Variants in GRIA3 observed in about 807,000 individuals in gnomAD.
GRIA3 encodes glutamate ionotropic receptor AMPA type subunit 3.
Under a neutral mutation model 63.0 loss-of-function variants are expected in GRIA3, and 3 were observed. That is an observed-to-expected ratio of 0.05 (90% CI 0.02 to 0.12). The LOEUF is 0.12. GRIA3 is among the 10% of genes least tolerant of loss of function. GRIA3 has a pLI of 1.00. For missense variants in GRIA3, 347 were observed against 700.9 expected, an observed-to-expected ratio of 0.50 and a Z score of 5.70; for synonymous variants, 274 against 257.9, an observed-to-expected ratio of 1.06 and a Z score of -0.60.
chrX:123,266,018 T>C (rs893405716), intron 3 of GRIA3, among the ~76,000 whole-genome samples: 2 of 112,085 alleles, frequency 1.8e-5, no homozygotes, highest in Non-Finnish European at 3.8e-5. Flanking sequence ...CTCCTCCACT[T>C]AAGGCCTTTA....
At chrX:123,427,009 T>C (rs1251860809) in intron 11 of GRIA3, among the ~76,000 whole-genome samples, 1 of 111,741 alleles carries the variant, frequency 8.9e-6, no homozygotes, top group African/African-American at 3.3e-5. Flanking sequence ...CCTACTTCAC[T>C]TGGAGTCTGC....
At chrX:123,469,116 T>G (rs1393899920) in intron 13 of GRIA3, among the ~76,000 whole-genome samples, 2 of 112,614 alleles carry the variant, frequency 1.8e-5, no homozygotes, top group Non-Finnish European at 3.8e-5. Flanking sequence ...CTGACATTTA[T>G]AAGTGCTTTT....
intron 2 of GRIA3, among the ~76,000 whole-genome samples, chrX:123,215,196 A>C (rs771204488): frequency 1.8e-5 from 2 of 111,996 alleles, no homozygotes; most frequent in South Asian, 7.5e-4. Flanking sequence ...GTCCCACTAA[A>C]TTGTCCAGCA....
chrX:123,445,165 A>G (rs957100704), intron 12 of GRIA3, among the ~76,000 whole-genome samples: 1 of 112,026 alleles, frequency 8.9e-6, no homozygotes, highest in Non-Finnish European at 1.9e-5. Flanking sequence ...TATTTCCACC[A>G]CAAATTATTT....
chrX:123,353,699 C>A (rs890073573), intron 4 of GRIA3, among the ~76,000 whole-genome samples: 1 of 111,284 alleles, frequency 9.0e-6, no homozygotes, highest in Non-Finnish European at 1.9e-5. Context: ...GGCCTTGTTC[C>A]AAATTATGAC....
At chrX:123,415,076 A>G (rs985030658) in intron 10 of GRIA3, among the ~76,000 whole-genome samples, 11 of 112,106 alleles carry the variant, frequency 9.8e-5, no homozygotes, top group African/African-American at 3.6e-4. Flanking sequence ...CATCCTCTCC[A>G]GCATCTGTTG....
chrX:123,315,483 A>G (rs987759269), intron 3 of GRIA3, among the ~76,000 whole-genome samples: 1 of 112,234 alleles, frequency 8.9e-6, no homozygotes, highest in African/African-American at 3.2e-5. Context: ...CAAACAACAA[A>G]ACAACAAAAT....
chrX:123,241,405 A>G (rs887323777), intron 2 of GRIA3, among the ~76,000 whole-genome samples: 4 of 111,590 alleles, frequency 3.6e-5, no homozygotes, highest in Admixed American at 1.9e-4. Context: ...TAATTTCAAG[A>G]CCACAAAGTA....
In GRIA3 at chrX:123,220,173, T is replaced by C. The variant is rs1928257119; in HGVS notation, c.269-33130T>C. Among the ~76,000 whole-genome samples, 3 of 112,169 alleles carry C rather than the reference T, an allele frequency of 2.7e-5. No individual in the cohort carries two copies. The South Asian group carries it at 1.1e-3, about 42-fold the overall frequency. ...CCTGAGTGCCCTGGGAGTGGGTCTG[T>C]ATTCTTAGCCTCATGCTTCCAGTGC... On this transcript the variant is annotated intron_variant, in intron 2 of 15. Coordinates refer to ENST00000620443, the MANE Select transcript of GRIA3 (RefSeq NM_007325.5).
At chrX:123,293,986 C>T (rs1402903616) in intron 3 of GRIA3, among the ~76,000 whole-genome samples, 1 of 109,203 alleles carries the variant, frequency 9.2e-6, no homozygotes, top group African/African-American at 3.3e-5. Context: ...TCAATTAAGC[C>T]AATAATGTCT....
At chrX:123,278,026 A>C (rs1015666606) in intron 3 of GRIA3, among the ~76,000 whole-genome samples, 1 of 112,092 alleles carries the variant, frequency 8.9e-6, no homozygotes, top group African/African-American at 3.2e-5. Context: ...ATTTTGAACA[A>C]AATAGTTACC....
Position 123,333,439 on chromosome X carries a change from A to C in GRIA3, c.696+7226A>C, listed in dbSNP as rs1259705178. Among the ~76,000 whole-genome samples, 21 of 111,883 alleles carry C rather than the reference A, an allele frequency of 1.9e-4. No homozygotes were observed. In the Admixed American group the frequency reaches 2.0e-3, roughly 11 times the overall value. On this transcript the variant is annotated intron_variant, in intron 4 of 15. Transcript: ENST00000620443. ...GGTTAAGCGTCACACAAGGGCTTAT[A>C]TTCAGAATACTATACTAGGCACTAT... is the stretch of plus-strand genomic sequence containing the variant.
chrX:123,399,446 C>T lies in GRIA3; in HGVS notation c.1080+643C>T, dbSNP rs184886406. Among the ~76,000 whole-genome samples the T allele has an allele frequency of 2.7e-5, 3 of 112,269 alleles. No homozygotes were observed. The East Asian group carries it at 8.4e-4, about 31-fold the overall frequency. On this transcript the variant is annotated intron_variant, in intron 7 of 15. Transcript: ENST00000620443. ...AATGGATAGACAGTCAAATAGGTCA[C>T]TTGTTTTTAGTATTTGCTGGGTAGG...
At chrX:123,268,948 T>C (rs1279043812) in intron 3 of GRIA3, among the ~76,000 whole-genome samples, 1 of 112,339 alleles carries the variant, frequency 8.9e-6, no homozygotes, top group Non-Finnish European at 1.9e-5. Context: ...TGCCTAAAGC[T>C]AAAAGAACTG....
chrX:123,475,123 A>T (rs1262274766), intron 13 of GRIA3, among the ~76,000 whole-genome samples: 2 of 112,031 alleles, frequency 1.8e-5, no homozygotes, highest in Non-Finnish European at 3.8e-5. Context: ...ACATACTTTT[A>T]AATGACTATC....
At chrX:123,481,603 A>G (rs910679574) in intron 14 of GRIA3, among the ~76,000 whole-genome samples, 22 of 112,440 alleles carry the variant, frequency 2.0e-4, no homozygotes, top group African/African-American at 6.1e-4. Context: ...TAAGATGCTC[A>G]AAATTCACTG....
intron 12 of GRIA3, among the ~76,000 whole-genome samples, chrX:123,451,509 A>T: frequency 4.1e-5 from 3 of 73,566 alleles, no homozygotes; most frequent in Admixed American, 1.6e-4. Context: ...TGTCTCTAAA[A>T]AAAAAAAAAA....
chrX:123,194,207 T>TA (rs1425884515), intron 2 of GRIA3, among the ~76,000 whole-genome samples: 13 of 110,686 alleles, frequency 1.2e-4, no homozygotes, highest in Admixed American at 5.8e-4. Context: ...TTTTCAGAGG[T>TA]AAAATCAGTT....
intron 3 of GRIA3, among the ~76,000 whole-genome samples, chrX:123,301,851 G>C (rs1293270902): frequency 1.8e-5 from 2 of 111,936 alleles, no homozygotes. Context: ...ACAAGTATTA[G>C]GCAATAAGCT....
Sources: gnomAD v4.1 joint callset for allele counts (sites outside exome capture counted in the v4.1 genomes callset) on GRCh38, gnomAD v4.1.1 for gene constraint, MANE v1.5 for transcripts, NCBI Gene and HGNC (gene_info 2026-07-23, HGNC 2026-07-21) for gene names.